Variants in MAP4 observed in about 807,000 individuals in gnomAD.
The protein encoded by MAP4 is microtubule-associated protein 4.
MAP4 carries 76 observed loss-of-function variants against 170.2 expected under a neutral mutation model. The observed-to-expected ratio is 0.45, with a 90% CI of 0.37 to 0.54. MAP4 has a LOEUF of 0.54. Among genes scored for constraint, MAP4 ranks in the 20% least tolerant of loss-of-function variants. The pLI, the probability that MAP4 is intolerant of heterozygous loss-of-function variation, is 0.00. For missense variants in MAP4, 2,506 were observed against 2,748.0 expected, an observed-to-expected ratio of 0.91 and a Z score of 1.97; for synonymous variants, 909 against 994.5, an observed-to-expected ratio of 0.91 and a Z score of 1.62.
At chr3:47,918,564 C>T (rs1577578259) in intron 6 of MAP4, among the ~76,000 whole-genome samples, 155 bp downstream of exon 6, 1 of 152,264 alleles carries the variant, frequency 6.6e-6, no homozygotes, top group East Asian at 1.9e-4. Flanking sequence ...CAATTTAATT[C>T]CTCCAGTGGT....
chr3:47,867,828 A>C (rs1220517196), intron 16 of MAP4, among the ~76,000 whole-genome samples: 1 of 152,186 alleles, frequency 6.6e-6, no homozygotes, highest in Non-Finnish European at 1.5e-5. Context: ...CTCAGAAGCA[A>C]AGGCTGCTCT....
At chr3:48,084,415 T>C (rs2100148068) in intron 1 of MAP4, among the ~76,000 whole-genome samples, 1 of 145,514 alleles carries the variant, frequency 6.9e-6, no homozygotes, top group South Asian at 2.2e-4. Context: ...GGAAAAAGAA[T>C]CACGAAAGTA....
intron 10 of MAP4, chr3:47,891,243 C>T: frequency 6.5e-7 from 1 of 1,536,230 alleles, no homozygotes; most frequent in Non-Finnish European, 8.7e-7. Context: ...AGATATAATC[C>T]AGCAGTGCCG....
chr3:48,070,765 C>T (rs1439781304), intron 1 of MAP4, among the ~76,000 whole-genome samples: 1 of 150,062 alleles, frequency 6.7e-6, no homozygotes, highest in Non-Finnish European at 1.5e-5. Flanking sequence ...CTTTGGGAGG[C>T]AGAGACAGGA....
At chr3:47,967,524 C>T (rs183457022) in intron 3 of MAP4, among the ~76,000 whole-genome samples, 1 of 152,174 alleles carries the variant, frequency 6.6e-6, no homozygotes, top group Non-Finnish European at 1.5e-5. Flanking sequence ...TGGCGGCAGG[C>T]GCCTGTAATC....
intron 10 of MAP4, among the ~76,000 whole-genome samples, chr3:47,881,936 C>T (rs1384412258): frequency 1.3e-5 from 2 of 151,954 alleles, no homozygotes; most frequent in Non-Finnish European, 2.9e-5. Flanking sequence ...TATACTCTTC[C>T]AATCTTTGTC....
intron 1 of MAP4, among the ~76,000 whole-genome samples, chr3:48,012,862 T>C (rs1260637946): frequency 1.3e-5 from 2 of 152,306 alleles, no homozygotes; most frequent in East Asian, 3.9e-4. Context: ...ATTCTTTACT[T>C]GTCACCACAT....
At chr3:47,891,903 C>T in intron 10 of MAP4, 4 of 1,536,100 alleles carry the variant, frequency 2.6e-6, no homozygotes, top group Non-Finnish European at 2.6e-6. Context: ...TCCCTTGAGC[C>T]CAGAGAGCCT....
intron 1 of MAP4, among the ~76,000 whole-genome samples, chr3:48,086,815 C>T (rs2100149292): frequency 6.6e-6 from 1 of 152,164 alleles, no homozygotes; most frequent in African/African-American, 2.4e-5. Context: ...ATACTTCCAA[C>T]ATGCATTAAC....
At chr3:48,045,837 G>A (rs530021584) in intron 1 of MAP4, among the ~76,000 whole-genome samples, 159 of 152,264 alleles carry the variant, frequency 1.0e-3, no homozygotes, top group African/African-American at 3.5e-3. Context: ...CACCGCGCCC[G>A]GCTGCAATAG....
chr3:47,874,416 C>T (rs2094541709), intron 12 of MAP4, among the ~76,000 whole-genome samples: 1 of 152,098 alleles, frequency 6.6e-6, no homozygotes, highest in Non-Finnish European at 1.5e-5. Context: ...TTGCAATGAG[C>T]CCAGATTGTG....
chr3:47,907,897 A>C (rs983568387), intron 9 of MAP4, among the ~76,000 whole-genome samples: 2 of 152,232 alleles, frequency 1.3e-5, no homozygotes, highest in Non-Finnish European at 2.9e-5. Context: ...AACAACCTTT[A>C]GCATTCTTTA....
chr3:47,892,492 C>G, intron 10 of MAP4: 1 of 1,522,604 alleles, frequency 6.6e-7, no homozygotes, highest in Non-Finnish European at 8.8e-7. Context: ...AGAGCGACAT[C>G]GTCTCTCCTC....
At chr3:48,022,864 C>T (rs2100111237) in intron 1 of MAP4, among the ~76,000 whole-genome samples, 1 of 151,730 alleles carries the variant, frequency 6.6e-6, no homozygotes, top group Non-Finnish European at 1.5e-5. Flanking sequence ...GCACTCCAGC[C>T]TGGGCAACAG....
chr3:47,991,171 T>C (rs1180179514), intron 2 of MAP4, among the ~76,000 whole-genome samples: 5 of 152,238 alleles, frequency 3.3e-5, no homozygotes, highest in Non-Finnish European at 1.5e-5. Flanking sequence ...ATAAATGCCA[T>C]AAAAGCAACC....
chr3:47,981,564 G>A (rs1366536431), intron 2 of MAP4, among the ~76,000 whole-genome samples: 2 of 152,024 alleles, frequency 1.3e-5, no homozygotes, highest in Non-Finnish European at 2.9e-5. Context: ...GAGGTCAGGA[G>A]TTCGAGACCT....
chr3:47,881,292 C>T (rs541678692), intron 10 of MAP4, among the ~76,000 whole-genome samples: 5 of 150,326 alleles, frequency 3.3e-5, no homozygotes, highest in Non-Finnish European at 7.4e-5. Context: ...CTACAAAAAT[C>T]GAAAGAAAAT....
intron 8 of MAP4, among the ~76,000 whole-genome samples, chr3:47,914,258 T>C (rs1205184652): frequency 6.6e-6 from 1 of 152,086 alleles, no homozygotes; most frequent in Non-Finnish European, 1.5e-5. Context: ...CTTTCTTCAC[T>C]ATGAAAACAG....
At chr3:47,987,818 T>C (rs925912972) in intron 2 of MAP4, among the ~76,000 whole-genome samples, 3 of 152,094 alleles carry the variant, frequency 2.0e-5, no homozygotes, top group Admixed American at 1.3e-4. Context: ...TTTGGGGTCA[T>C]GCATATGTTA....
Sources: allele counts gnomAD v4.1 joint callset (sites outside exome capture counted in the v4.1 genomes callset), GRCh38; gene constraint gnomAD v4.1.1; transcripts MANE v1.5; gene names NCBI Gene and HGNC (gene_info 2026-07-23, HGNC 2026-07-21).